Variants in ARHGAP17 observed in about 807,000 individuals in gnomAD.
The protein encoded by ARHGAP17 is rho GTPase-activating protein 17.
Under a neutral mutation model 99.5 loss-of-function variants are expected in ARHGAP17, and 57 were observed. That is an observed-to-expected ratio of 0.57 (90% confidence interval 0.46 to 0.71). The LOEUF (loss-of-function observed/expected upper bound fraction) is 0.71. Among genes scored for constraint, ARHGAP17 ranks in the 30% least tolerant of loss-of-function variants. The pLI, the probability that ARHGAP17 is intolerant of heterozygous loss-of-function variation, is 0.00. For missense variants in ARHGAP17, 1,000 were observed against 1,122.4 expected, an observed-to-expected ratio of 0.89 and a Z score of 1.56; for synonymous variants, 417 against 429.6, an observed-to-expected ratio of 0.97 and a Z score of 0.36.
At chr16:24,921,138 A>G (rs755306399) in intron 19 of ARHGAP17, 1 of 152,212 alleles carries the variant, frequency 6.6e-6, no homozygotes, top group Non-Finnish European at 1.5e-5. Flanking sequence ...GCCAGGCACC[A>G]TTCTACCTGC....
At chr16:25,015,148 CGCG>C in intron 1 of ARHGAP17, 58 bp downstream of exon 1, 3 of 1,211,942 alleles carry the variant, frequency 2.5e-6, no homozygotes, top group African/African-American at 3.6e-5. Context: ...GTCCCGCCCC[CGCG>C]CCCTCCGCCC....
intron 1 of ARHGAP17, among the ~76,000 whole-genome samples, chr16:24,988,939 T>G (rs1368482479): frequency 2.0e-5 from 3 of 152,174 alleles, no homozygotes; most frequent in African/African-American, 7.2e-5. Context: ...AGTTTGAGAT[T>G]TTAAAACTCA....
chr16:24,994,810 T>A (rs543373792), intron 1 of ARHGAP17, among the ~76,000 whole-genome samples: 1 of 152,144 alleles, frequency 6.6e-6, no homozygotes, highest in Admixed American at 6.5e-5. Context: ...AATACACACT[T>A]TACTTGTATT....
At chr16:24,970,604 G>A in intron 3 of ARHGAP17, 24 bp from the exon 4 acceptor site, 1 of 1,595,144 alleles carries the variant, frequency 6.3e-7, no homozygotes, top group Non-Finnish European at 8.6e-7. Context: ...GACAGTGTGT[G>A]TTTTTCTCAT....
chr16:24,924,752 A>G (rs1396506146), intron 19 of ARHGAP17, among the ~76,000 whole-genome samples: 1 of 152,004 alleles, frequency 6.6e-6, no homozygotes, highest in African/African-American at 2.4e-5. Flanking sequence ...AATCCCAGCT[A>G]CTCAGGAGGC....
At chr16:24,996,589 C>G (rs186887096) in intron 1 of ARHGAP17, among the ~76,000 whole-genome samples, 1 of 152,268 alleles carries the variant, frequency 6.6e-6, no homozygotes, top group Admixed American at 6.5e-5. Context: ...CCCTCTACCC[C>G]AAGCAAGGTG....
chr16:24,987,676 A>G (rs2052914996), intron 1 of ARHGAP17, among the ~76,000 whole-genome samples: 1 of 151,986 alleles, frequency 6.6e-6, no homozygotes, highest in Non-Finnish European at 1.5e-5. Context: ...TCAAACATCA[A>G]TGGCTCCCAC....
chr16:24,982,649 T>A (rs2052707233), intron 1 of ARHGAP17, among the ~76,000 whole-genome samples: 1 of 152,096 alleles, frequency 6.6e-6, no homozygotes, highest in African/African-American at 2.4e-5. Context: ...ATCTCCCTCA[T>A]CACTGTGACT....
Position 24,935,525 on chromosome 16 carries a change from G to T in ARHGAP17, c.1839C>A (p.Leu613=). ...CAGCATTGTGAGGTTGGCCCATGGA[G>T]AGCTGGTGGGAGCCAGCAGCTGCCT... ...QPQAAAGSHQ[L]SMGQPHNAAG... is the part of the protein sequence containing the mutation. The change falls in exon 18 of 20, where the codon CTC becomes CTA. Residue 613 remains leucine (L), a synonymous_variant. Coordinates refer to ENST00000289968, the MANE Select transcript of ARHGAP17 (RefSeq NM_001006634.3). 1 of 1,613,290 alleles carries T rather than the reference G, an allele frequency of 6.2e-7. No individual in the cohort carries two copies. Among genetic ancestry groups the T allele is most frequent in the Non-Finnish European group, 8.5e-7 (1 of 1,179,738 alleles).
In ARHGAP17 at chr16:24,964,224, T is replaced by C; in HGVS notation, c.546A>G (p.Glu182=). The change falls in exon 7 of 20, where the codon GAA becomes GAG. Residue 182 remains glutamate (E), a synonymous_variant. Transcript: ENST00000289968. ...TGCACTGTTCTACTTTATTTCCAGC[T>C]TCATCCATCTCTTCCTTTAGAGTAT... ...KIDTLKEEMD[E]AGNKVEQCKD... 6.2e-7 allele frequency: 1 copy of C among 1,613,300 alleles called. No individual in the cohort carries two copies. Among genetic ancestry groups the C allele is most frequent in the Non-Finnish European group, 8.5e-7 (1 of 1,179,582 alleles).
chr16:25,010,887 G>C (rs551563021), intron 1 of ARHGAP17, among the ~76,000 whole-genome samples: 26 of 152,256 alleles, frequency 1.7e-4, no homozygotes, highest in African/African-American at 6.3e-4. Flanking sequence ...TACAACCTTG[G>C]GTTCTCAAAA....
chr16:25,015,084 G>C, intron 1 of ARHGAP17, 125 bp downstream of exon 1: 2 of 967,722 alleles, frequency 2.1e-6, no homozygotes, highest in Non-Finnish European at 2.6e-6. Flanking sequence ...GTGCCCCGCT[G>C]GTCTCGGGCA....
At chr16:24,991,298 T>G (rs2141428346) in intron 1 of ARHGAP17, among the ~76,000 whole-genome samples, 1 of 152,352 alleles carries the variant, frequency 6.6e-6, no homozygotes, top group East Asian at 1.9e-4. Context: ...ATGTACTTCA[T>G]TTAACGTGTT....
intron 3 of ARHGAP17, 117 bp from the exon 4 acceptor site, chr16:24,970,697 C>A: frequency 1.1e-6 from 1 of 902,550 alleles, no homozygotes; most frequent in South Asian, 1.4e-5. Context: ...AGGTAGGAGA[C>A]AGCCTGTCTG....
At chr16:25,000,012 C>T (rs11074665) in intron 1 of ARHGAP17, among the ~76,000 whole-genome samples, 39,481 of 151,864 alleles carry the variant, frequency 0.26, 6,021 homozygotes, top group East Asian at 0.51. Flanking sequence ...TATCAGGAGC[C>T]GTTTCTCACG....
At chr16:24,922,146 G>C (rs1288912187) in intron 19 of ARHGAP17, among the ~76,000 whole-genome samples, 1 of 152,200 alleles carries the variant, frequency 6.6e-6, no homozygotes, top group Non-Finnish European at 1.5e-5. Flanking sequence ...GAAAATCACT[G>C]CAAATGCAAT....
Position 24,919,536 on chromosome 16 carries a change from G to A in ARHGAP17, c.*594C>T, listed in dbSNP as rs1049699025. On this transcript the variant is annotated 3_prime_UTR_variant, in exon 20 of 20. Coordinates refer to ENST00000289968, the MANE Select transcript of ARHGAP17 (RefSeq NM_001006634.3). ...CTACATTCCGACAATCCAACGAGGC[G>A]GCATGGGTCACATCCAGTTTGATGA... is the stretch of plus-strand genomic sequence containing the variant. 5 of 152,246 alleles carry A rather than the reference G, an allele frequency of 3.3e-5. No individual in the cohort carries two copies. Among genetic ancestry groups the A allele is most frequent in the African/African-American group, 4.8e-5 (2 of 41,348 alleles). The allele number at this position is 152,246 out of a possible 1,614,324, so 9.4% of individuals were successfully genotyped here. A position where few individuals can be genotyped will look rare whatever the true frequency, so the allele number is the denominator to read the frequency against.
At chr16:24,930,572 C>A in intron 19 of ARHGAP17, 1 of 889,434 alleles carries the variant, frequency 1.1e-6, no homozygotes, top group Non-Finnish European at 1.9e-6. Flanking sequence ...GCTGTTTCAG[C>A]ACCAATGCAG....
rs1270855346 is a variant in ARHGAP17, at chr16:24,930,897, G to A, written c.2402C>T (p.Pro801Leu). 1 of 1,614,044 alleles carries A rather than the reference G, an allele frequency of 6.2e-7. No individual in the cohort carries two copies. Among genetic ancestry groups the A allele is most frequent in the East Asian group, 2.2e-5 (1 of 44,872 alleles). Residue 801 changes from proline (P) to leucine (L), a missense_variant, in exon 19 of 20, where the codon CCA (proline) becomes CTA (leucine). This residue lies in a region of ARHGAP17 where 528 missense variants were observed against 511.4 expected (regional missense o/e 1.03). Coordinates refer to ENST00000289968, the MANE Select transcript of ARHGAP17 (RefSeq NM_001006634.3). ...AGTLPRPRPVPKPRNRPSVPP... is the reference protein window; with the variant it reads ...AGTLPRPRPVLKPRNRPSVPP... ...CACGCTGGGCCGGTTCCTTGGCTTT[G>A]GTACTGGTCTCGGTCTCGGTAAGGT... is the stretch of plus-strand genomic sequence containing the variant.
Sources: gnomAD v4.1 joint callset for allele counts (sites outside exome capture counted in the v4.1 genomes callset) on GRCh38, gnomAD v4.1.1 for gene constraint, gnomAD v4.1.1 regional missense constraint, MANE v1.5 for transcripts, NCBI Gene and HGNC (gene_info 2026-07-23, HGNC 2026-07-21) for gene names.